NMBR: variants seen among roughly 807,000 people sequenced by gnomAD.
NMBR encodes the protein neuromedin-B receptor.
NMBR carries 16 observed loss-of-function variants against 20.5 expected under a neutral mutation model. The ratio of observed to expected loss-of-function variants is 0.78; its 90% CI spans 0.53 to 1.19. NMBR has a LOEUF of 1.19. NMBR is among the 50% of genes most tolerant of loss of function. NMBR has a pLI of 0.00. For synonymous variants in NMBR, 212 were observed against 196.6 expected, an observed-to-expected ratio of 1.08 and a Z score of -0.65; for missense variants, 582 against 499.1, an observed-to-expected ratio of 1.17 and a Z score of -1.58.
intron 1 of NMBR, among the ~76,000 whole-genome samples, chr6:142,118,604 C>G (rs989653474): frequency 1.3e-5 from 2 of 152,016 alleles, no homozygotes; most frequent in African/African-American, 2.4e-5. Flanking sequence ...TCTTACTCAG[C>G]AGGCATGAAA....
At chr6:142,134,462 GT>G (rs1044148152) in intron 1 of NMBR, 17 of 457,206 alleles carry the variant, frequency 3.7e-5, no homozygotes, top group Admixed American at 1.5e-4. Context: ...AGTTAGTGGG[GT>G]TTTTTTAGTG....
intron 1 of NMBR, chr6:142,133,218 A>T: frequency 1.5e-6 from 1 of 650,898 alleles, no homozygotes; most frequent in Non-Finnish European, 2.8e-6. Flanking sequence ...TACAAACAAA[A>T]AATCAATTGT....
At chr6:142,076,676 G>A (rs1650119923) in intron 3 of NMBR, among the ~76,000 whole-genome samples, 1 of 151,962 alleles carries the variant, frequency 6.6e-6, no homozygotes, top group Non-Finnish European at 1.5e-5. Flanking sequence ...TTTCTAAGAG[G>A]GTATTCAAGA....
intron 1 of NMBR, among the ~76,000 whole-genome samples, chr6:142,109,556 T>G (rs1330630071): frequency 6.9e-6 from 1 of 145,744 alleles, no homozygotes; most frequent in East Asian, 2.1e-4. Flanking sequence ...CTCTGCTCAC[T>G]GCAACCTCTG....
At chr6:142,082,905 A>G (rs991826459) in intron 2 of NMBR, among the ~76,000 whole-genome samples, 2 of 152,188 alleles carry the variant, frequency 1.3e-5, no homozygotes, top group Non-Finnish European at 2.9e-5. Context: ...TTTGGATGTA[A>G]TGGATACATG....
chr6:142,096,640 T>C (rs1480229615), intron 1 of NMBR, among the ~76,000 whole-genome samples: 2 of 152,214 alleles, frequency 1.3e-5, no homozygotes, highest in Non-Finnish European at 2.9e-5. Flanking sequence ...GAAAAGAATG[T>C]ATATTCTGTT....
intron 1 of NMBR, among the ~76,000 whole-genome samples, chr6:142,120,710 G>A (rs1001090843): frequency 6.6e-6 from 1 of 151,858 alleles, no homozygotes; most frequent in Non-Finnish European, 1.5e-5. Flanking sequence ...TGCCCTATGC[G>A]ACAAGCTAAT....
chr6:142,119,459 A>G (rs1562243702), intron 1 of NMBR, among the ~76,000 whole-genome samples: 1 of 151,962 alleles, frequency 6.6e-6, no homozygotes, highest in Non-Finnish European at 1.5e-5. Context: ...CACCCAAAAC[A>G]TAAAGTGTGA....
intron 1 of NMBR, among the ~76,000 whole-genome samples, chr6:142,098,443 CA>C (rs1451221338): frequency 3.3e-5 from 5 of 152,044 alleles, no homozygotes; most frequent in African/African-American, 4.8e-5. Context: ...AAAGAATCAA[CA>C]AAAGACTCTT....
intron 1 of NMBR, among the ~76,000 whole-genome samples, chr6:142,092,629 C>T (rs1362308969): frequency 6.6e-6 from 1 of 152,010 alleles, no homozygotes; most frequent in Middle Eastern, 3.2e-3. Context: ...AACAGTGATC[C>T]CTAAGACAGG....
chr6:142,099,112 A>G (rs1777512358), intron 1 of NMBR, among the ~76,000 whole-genome samples: 1 of 152,228 alleles, frequency 6.6e-6, no homozygotes, highest in African/African-American at 2.4e-5. Flanking sequence ...CTCATGCGAA[A>G]GAAATGAACC....
intron 2 of NMBR, among the ~76,000 whole-genome samples, chr6:142,086,591 C>G (rs1055044809): frequency 6.6e-6 from 1 of 152,076 alleles, no homozygotes; most frequent in African/African-American, 2.4e-5. Flanking sequence ...ACAAGGGTAG[C>G]CTACGGACCA....
chr6:142,146,104 C>T lies in NMBR; in HGVS notation c.-664+940G>A, dbSNP rs1778427304. 2.0e-5 allele frequency among the ~76,000 whole-genome samples: 3 copies of T among 152,090 alleles called. No individual in the cohort carries two copies. In the South Asian group the frequency reaches 6.2e-4, roughly 31 times the overall value. ...CATTCTCCAGTGGTAGGAAATATGC[C>T]GCTGAGATTGGGGAAGAAGACAGAA... On this transcript the variant is annotated intron_variant, in intron 1 of 3. Transcript: ENST00000258042.
chr6:142,126,585 T>C (rs1424804733), intron 1 of NMBR, among the ~76,000 whole-genome samples: 1 of 151,890 alleles, frequency 6.6e-6, no homozygotes, highest in Non-Finnish European at 1.5e-5. Flanking sequence ...TTTTATTTTA[T>C]AATAGCCATT....
chr6:142,130,174 G>A (rs1035838661), intron 1 of NMBR, among the ~76,000 whole-genome samples: 4 of 152,042 alleles, frequency 2.6e-5, no homozygotes, highest in African/African-American at 9.7e-5. Context: ...AGAAAATAAG[G>A]TCAAAGTTTA....
chr6:142,131,910 T>A (rs1778150130), intron 1 of NMBR, among the ~76,000 whole-genome samples: 1 of 152,222 alleles, frequency 6.6e-6, no homozygotes. Flanking sequence ...GCCAAAGCAC[T>A]ATTCCTTCTT....
chr6:142,082,092 T>A (rs1030828823), intron 2 of NMBR, among the ~76,000 whole-genome samples: 2 of 152,048 alleles, frequency 1.3e-5, no homozygotes, highest in Non-Finnish European at 2.9e-5. Context: ...TCTTACAGAG[T>A]CATCATAGCA....
intron 1 of NMBR, among the ~76,000 whole-genome samples, chr6:142,104,800 G>T (rs1046506924): frequency 2.0e-5 from 3 of 152,212 alleles, no homozygotes; most frequent in Admixed American, 2.0e-4. Flanking sequence ...AATGTCACAT[G>T]CATGGATGTG....
intron 1 of NMBR, among the ~76,000 whole-genome samples, chr6:142,126,261 C>CTCTCTCTCTCTCTGTGTG (rs763551613): frequency 4.7e-5 from 7 of 149,170 alleles, no homozygotes; most frequent in African/African-American, 1.7e-4. Context: ...CTCTCTCTCT[C>CTCTCTCTCTCTCTGTGTG]TGTGTGTGTG....
Sources: gnomAD v4.1 joint callset for allele counts (sites outside exome capture counted in the v4.1 genomes callset) on GRCh38, gnomAD v4.1.1 for gene constraint, MANE v1.5 for transcripts, NCBI Gene and HGNC (gene_info 2026-07-23, HGNC 2026-07-21) for gene names.